IL13RA1: variants seen among roughly 807,000 people sequenced by gnomAD.
The protein encoded by IL13RA1 is interleukin-13 receptor subunit alpha-1.
Under a neutral mutation model 33.8 loss-of-function variants are expected in IL13RA1, and 14 were observed. The ratio of observed to expected loss-of-function variants is 0.41; its 90% CI spans 0.27 to 0.65. The LOEUF (loss-of-function observed/expected upper bound fraction) is 0.65, where lower values mean the gene tolerates loss of function less well. IL13RA1 is among the 30% of genes least tolerant of loss of function. The probability of loss-of-function intolerance (pLI) is 0.28; values close to 1 mark genes in which losing one functional copy is unlikely to be tolerated. For synonymous variants in IL13RA1, 116 were observed against 115.7 expected (o/e 1.00, Z -0.02); for missense variants, 313 against 327.0 (o/e 0.96, Z 0.33).
downstream of IL13RA1, among the ~76,000 whole-genome samples, chrX:118,798,234 T>A (rs186039351): frequency 1.8e-5 from 2 of 111,762 alleles, no homozygotes; most frequent in African/African-American, 3.3e-5. Flanking sequence ...ATATTTGCAT[T>A]ATACTTATAT....
In IL13RA1 at chrX:118,747,004, G is replaced by A; in HGVS notation, c.279G>A (p.Arg93=). The A allele has an allele frequency of 8.6e-7, 1 of 1,168,425 alleles. No homozygotes were observed. The highest frequency in any genetic ancestry group is 1.2e-6 in the Non-Finnish European group (1 of 856,804). Residue 93 remains arginine (R), a synonymous_variant, in exon 3 of 11, where the codon AGG becomes AGA. Transcript: ENST00000371666. The part of the protein sequence containing the change: ...RRSIEVPLNE[R]ICLQVGSQCS... ...CAATAGAAGTACCCCTGAATGAGAG[G>A]ATTTGTCTGCAAGTGGGGTCCCAGT...
rs574433214 is a variant in IL13RA1 at position 118,744,741 on chromosome X, T to C, written c.229-2213T>C. Among the ~76,000 whole-genome samples the C allele has an allele frequency of 3.6e-4, 40 of 111,766 alleles. 2 individuals carry two copies. In the South Asian group the frequency reaches 0.014, roughly 40 times the overall value. ...GGCATTTTTTAAATTAAAAATTCCATTGTGATAATTTTTGTGTACTAAAAC... is the reference window on the plus strand; with the variant it reads ...GGCATTTTTTAAATTAAAAATTCCACTGTGATAATTTTTGTGTACTAAAAC... On this transcript the variant is annotated intron_variant, in intron 2 of 10. Transcript: ENST00000371666.
At chrX:118,749,879 T>C in intron 4 of IL13RA1, 101 bp downstream of exon 4, 1 of 549,392 alleles carries the variant, frequency 1.8e-6, no homozygotes, top group Non-Finnish European at 3.0e-6. Context: ...TAATTTTTTC[T>C]GCAAACTCAA....
At chrX:118,787,163 C>T (rs761741369) in intron 10 of IL13RA1, among the ~76,000 whole-genome samples, 7 of 111,449 alleles carry the variant, frequency 6.3e-5, no homozygotes, top group African/African-American at 1.6e-4. Flanking sequence ...AATATTTCAA[C>T]GTAAGTTCTT....
chrX:118,740,095 C>T lies in IL13RA1; in HGVS notation c.89-922C>T, dbSNP rs1439332176. Among the ~76,000 whole-genome samples the T allele has an allele frequency of 4.5e-5, 5 of 112,173 alleles. No individual in the cohort carries two copies. In the East Asian group the frequency reaches 1.4e-3, roughly 32 times the overall value. On this transcript the variant is annotated intron_variant, in intron 1 of 10. Transcript: ENST00000371666. ...TCCTTTTGCTTCAGCCCCCCAGTAC[C>T]TGGGACTATAGGCATGTACCAGCAT... is the stretch of plus-strand genomic sequence containing the variant.
Position 118,761,173 on chromosome X carries a change from T to A in IL13RA1, c.712T>A (p.Phe238Ile). Residue 238 changes from phenylalanine (F) to isoleucine (I), a missense_variant, in exon 6 of 11, where the codon TTC (phenylalanine) becomes ATC (isoleucine). Transcript: ENST00000371666. ...PDPPHIKNLS[F>I]HNDDLYVQWE... is the part of the protein sequence containing the mutation. The stretch of plus-strand genomic sequence containing the variant: ...TCCTCCACATATTAAAAACCTCTCC[T>A]TCCACAATGATGACCTATATGTGCA... 1 of 1,027,448 alleles carries A rather than the reference T, an allele frequency of 9.7e-7. No homozygotes were observed. The highest frequency in any genetic ancestry group is 1.3e-6 in the Non-Finnish European group (1 of 747,548). 84.7% of individuals were successfully genotyped at this position (1,027,448 alleles called of 1,213,427 possible). A position where few individuals can be genotyped will look rare whatever the true frequency, so the allele number is the denominator to read the frequency against.
At chrX:118,742,851 A>G (rs988910748) in intron 2 of IL13RA1, among the ~76,000 whole-genome samples, 1 of 111,565 alleles carries the variant, frequency 9.0e-6, no homozygotes, top group Non-Finnish European at 1.9e-5. Flanking sequence ...AGTGCTAGGT[A>G]ATTGTTAGCT....
intron 8 of IL13RA1, among the ~76,000 whole-genome samples, chrX:118,771,965 T>A (rs975922040): frequency 8.9e-6 from 1 of 111,838 alleles, no homozygotes; most frequent in African/African-American, 3.3e-5. Flanking sequence ...AGAGTGAGAC[T>A]CTGTCTCAAA....
intron 10 of IL13RA1, among the ~76,000 whole-genome samples, chrX:118,779,535 C>T (rs372529108): frequency 9.0e-6 from 1 of 111,311 alleles, no homozygotes; most frequent in Non-Finnish European, 1.9e-5. Context: ...GAAATGGGTC[C>T]GAATGAATGA....
At chrX:118,754,573 C>G (rs1372774631) in intron 4 of IL13RA1, among the ~76,000 whole-genome samples, 4 of 109,303 alleles carry the variant, frequency 3.7e-5, no homozygotes, top group Non-Finnish European at 7.6e-5. Flanking sequence ...GGAGGCGGAG[C>G]TTGCAGTGAG....
chrX:118,797,422 C>A (rs1309318681), downstream of IL13RA1, among the ~76,000 whole-genome samples: 3 of 111,603 alleles, frequency 2.7e-5, no homozygotes, highest in African/African-American at 3.3e-5. Flanking sequence ...CACAAGGGCC[C>A]AGCCATGATT....
chrX:118,768,335 G>C (rs2017672292), intron 8 of IL13RA1, among the ~76,000 whole-genome samples: 1 of 112,029 alleles, frequency 8.9e-6, no homozygotes, highest in Admixed American at 9.5e-5. Context: ...GGTGAGTCAG[G>C]AGTCTAGCCA....
intron 4 of IL13RA1, among the ~76,000 whole-genome samples, chrX:118,754,684 T>C (rs1435055617): frequency 9.1e-6 from 1 of 109,423 alleles, no homozygotes; most frequent in Non-Finnish European, 1.9e-5. Context: ...TTATCCCCAC[T>C]CCTTTGCAGA....
At chrX:118,774,737 A>G (rs1303008779) in intron 9 of IL13RA1, among the ~76,000 whole-genome samples, 1 of 112,226 alleles carries the variant, frequency 8.9e-6, no homozygotes, top group Non-Finnish European at 1.9e-5. Flanking sequence ...TATGGTATCC[A>G]TTCCTTGAGA....
In IL13RA1 at chrX:118,780,740, C is replaced by T. The variant is rs942681901; in HGVS notation, c.1191+4229C>T. Among the ~76,000 whole-genome samples, 3 of 111,981 alleles carry T rather than the reference C, an allele frequency of 2.7e-5. No homozygotes were observed. In the East Asian group the frequency reaches 8.4e-4, roughly 31 times the overall value. On this transcript the variant is annotated intron_variant, in intron 10 of 10. Transcript: ENST00000371666. ...TCCACCCCTATGACCCAAACACTTC[C>T]CACCAGGCCACACTTCCAACGTTGG...
intron 6 of IL13RA1, among the ~76,000 whole-genome samples, chrX:118,766,102 T>A (rs1411918867): frequency 8.9e-6 from 1 of 112,212 alleles, no homozygotes; most frequent in Non-Finnish European, 1.9e-5. Context: ...TCAACAAATG[T>A]TTTTAATTTT....
rs750930410 is a variant in IL13RA1 at position 118,751,851 on chromosome X, G to A, written c.488+2073G>A. On this transcript the variant is annotated intron_variant, in intron 4 of 10. Coordinates refer to ENST00000371666, the MANE Select transcript of IL13RA1 (RefSeq NM_001560.3). ...ATTTTGCCTGATGACATGATGGAAAGCATTTTTGATACATTAAAACACTCA... is the reference window on the plus strand; with the variant it reads ...ATTTTGCCTGATGACATGATGGAAAACATTTTTGATACATTAAAACACTCA... Among the ~76,000 whole-genome samples the A allele has an allele frequency of 5.2e-4, 50 of 96,585 alleles. 1 individual carries two copies. The highest frequency in any genetic ancestry group is 2.0e-3 in the African/African-American group (50 of 25,091). The allele number at this position is 96,585 out of a possible 115,157, so 83.9% of individuals were successfully genotyped here.
At chrX:118,738,239 AT>A (rs747271941) in intron 1 of IL13RA1, 6 of 111,397 alleles carry the variant, frequency 5.4e-5, no homozygotes, top group African/African-American at 1.6e-4. Context: ...TTTATTATAG[AT>A]TAAAGGGTAT....
chrX:118,728,402 T>A (rs943951852), intron 1 of IL13RA1, among the ~76,000 whole-genome samples: 2 of 111,993 alleles, frequency 1.8e-5, no homozygotes, highest in Admixed American at 9.4e-5. Context: ...ATAAACCTTA[T>A]ATTTTAGGGT....
Sources: gnomAD v4.1 joint callset for allele counts (sites outside exome capture counted in the v4.1 genomes callset) on GRCh38, gnomAD v4.1.1 for gene constraint, MANE v1.5 for transcripts, NCBI Gene and HGNC (gene_info 2026-07-23, HGNC 2026-07-21) for gene names.